The following USP46 variants were observed in gnomAD, a reference collection of about 807,000 sequenced individuals.
USP46 encodes ubiquitin specific peptidase 46.
In USP46, 12 loss-of-function variants were observed where a neutral mutation model predicts 44.4. The ratio of observed to expected loss-of-function variants is 0.27; its 90% confidence interval spans 0.17 to 0.44. The LOEUF is 0.44. Ranked by LOEUF, USP46 falls within the 20% of genes least tolerant of loss-of-function variation. The probability of loss-of-function intolerance (pLI) is 1.00; values close to 1 mark genes in which losing one functional copy is unlikely to be tolerated. For missense variants in USP46, 248 were observed against 444.8 expected (o/e 0.56, Z 3.98); for synonymous variants, 155 against 161.5 (o/e 0.96, Z 0.31).
chr4:52,632,278 G>C (rs1717859206), intron 1 of USP46, among the ~76,000 whole-genome samples: 1 of 152,144 alleles, frequency 6.6e-6, no homozygotes, highest in African/African-American at 2.4e-5. Context: ...CCCACTAAGG[G>C]TCAGTTACTG....
intron 1 of USP46, among the ~76,000 whole-genome samples, chr4:52,639,582 A>G (rs1159596419): frequency 2.0e-5 from 3 of 152,186 alleles, no homozygotes; most frequent in Admixed American, 1.3e-4. Flanking sequence ...TTTGCTCACA[A>G]TCCTGCTAGC....
intron 4 of USP46, among the ~76,000 whole-genome samples, chr4:52,620,743 C>T (rs1717345254): frequency 6.6e-6 from 1 of 152,174 alleles, no homozygotes; most frequent in African/African-American, 2.4e-5. Flanking sequence ...AAAAGCATAC[C>T]ATATGACCTA....
intron 1 of USP46, among the ~76,000 whole-genome samples, chr4:52,632,994 G>GGA (rs1717963456): frequency 1.1e-5 from 1 of 91,324 alleles, no homozygotes; most frequent in Non-Finnish European, 2.2e-5. Flanking sequence ...GAAAAGAAAA[G>GGA]AAAGAAAGAA....
At chr4:52,624,970 AG>A (rs1365686114) in intron 4 of USP46, among the ~76,000 whole-genome samples, 1 of 152,178 alleles carries the variant, frequency 6.6e-6, no homozygotes, top group Non-Finnish European at 1.5e-5. Context: ...GCAACTCATG[AG>A]GGATTGCGTT....
At chr4:52,601,822 T>C in intron 7 of USP46, 35 bp downstream of exon 7, 1 of 1,600,938 alleles carries the variant, frequency 6.2e-7, no homozygotes, top group East Asian at 2.2e-5. Context: ...ACCCTTACAC[T>C]TACCCTGTAT....
intron 1 of USP46, chr4:52,656,687 G>A: frequency 1.5e-6 from 1 of 688,922 alleles, no homozygotes; most frequent in Non-Finnish European, 1.8e-6. Context: ...TCACCTTTTG[G>A]TAGATAAGGA....
intron 5 of USP46, among the ~76,000 whole-genome samples, chr4:52,605,213 C>T (rs562621535): frequency 6.6e-6 from 1 of 152,298 alleles, no homozygotes; most frequent in East Asian, 1.9e-4. Context: ...CCCCACTGCT[C>T]CCCCGCCGGA....
At position 52,631,121 on chromosome 4, in the gene USP46, T is replaced by C. The variant is rs1717809552; in HGVS notation, c.60A>G (p.Glu20=). 2 of 1,564,890 alleles carry C rather than the reference T, an allele frequency of 1.3e-6. No homozygotes were observed. The highest frequency in any genetic ancestry group is 1.9e-5 in the Admixed American group (1 of 52,508). Residue 20 remains glutamate (E), a synonymous_variant, in exon 2 of 9, where the codon GAA becomes GAG. Coordinates refer to ENST00000441222, the MANE Select transcript of USP46 (RefSeq NM_022832.4). ...GAAACTGCTCTGGACCAATGTCTTT[T>C]TCCAGAGCAGAGGCATTGGTGCCCT... ...CNMGTNASAL[E]KDIGPEQFPI...
intron 1 of USP46, among the ~76,000 whole-genome samples, chr4:52,641,579 A>G (rs936557066): frequency 6.6e-6 from 1 of 152,188 alleles, no homozygotes; most frequent in Non-Finnish European, 1.5e-5. Flanking sequence ...CCTTGCCCAG[A>G]AGGAGGAAAT....
chr4:52,644,072 T>G (rs1718448778), intron 1 of USP46, among the ~76,000 whole-genome samples: 1 of 152,188 alleles, frequency 6.6e-6, no homozygotes, highest in Non-Finnish European at 1.5e-5. Flanking sequence ...CTGACCTGTT[T>G]AGTTAGCAAC....
At chr4:52,652,196 T>G (rs888564130) in intron 1 of USP46, among the ~76,000 whole-genome samples, 4 of 152,112 alleles carry the variant, frequency 2.6e-5, no homozygotes, top group African/African-American at 7.2e-5. Flanking sequence ...AAAGGCACAA[T>G]GTCACACCCA....
intron 1 of USP46, among the ~76,000 whole-genome samples, chr4:52,644,648 C>A (rs1286595533): frequency 6.6e-6 from 1 of 151,502 alleles, no homozygotes; most frequent in Non-Finnish European, 1.5e-5. Flanking sequence ...ATCCCCAGCT[C>A]TGCCCAGGTT....
chr4:52,599,402 C>G (rs1716369702), intron 7 of USP46, among the ~76,000 whole-genome samples: 1 of 151,890 alleles, frequency 6.6e-6, no homozygotes, highest in Admixed American at 6.6e-5. Context: ...CCAAAGGAGG[C>G]CAGAGCAGCA....
chr4:52,614,818 C>G (rs1366382378), intron 4 of USP46, among the ~76,000 whole-genome samples: 2 of 152,112 alleles, frequency 1.3e-5, no homozygotes, highest in Non-Finnish European at 2.9e-5. Flanking sequence ...GATTTATATT[C>G]TACATAAATG....
chr4:52,637,427 C>T (rs749052031), intron 1 of USP46, among the ~76,000 whole-genome samples: 9 of 152,200 alleles, frequency 5.9e-5, no homozygotes, highest in African/African-American at 1.9e-4. Context: ...ACTTGTCTTA[C>T]AGGATCTCAA....
At chr4:52,603,078 T>A (rs1716540340) in intron 6 of USP46, among the ~76,000 whole-genome samples, 2 of 152,306 alleles carry the variant, frequency 1.3e-5, no homozygotes, top group East Asian at 1.9e-4. Flanking sequence ...AAGGAATCTA[T>A]TAAGGAAAAG....
At chr4:52,600,270 C>A (rs1242694914) in intron 7 of USP46, among the ~76,000 whole-genome samples, 4 of 152,076 alleles carry the variant, frequency 2.6e-5, no homozygotes, top group Non-Finnish European at 5.9e-5. Flanking sequence ...CAGCAGAAAT[C>A]AGTGCATGAG....
intron 5 of USP46, among the ~76,000 whole-genome samples, chr4:52,606,732 C>G (rs914692296): frequency 3.9e-5 from 6 of 152,186 alleles, no homozygotes; most frequent in Admixed American, 3.3e-4. Context: ...AACCAACAGT[C>G]TCAACAAAGA....
chr4:52,620,926 C>A (rs1717351002), intron 4 of USP46, among the ~76,000 whole-genome samples: 1 of 152,148 alleles, frequency 6.6e-6, no homozygotes, highest in Non-Finnish European at 1.5e-5. Flanking sequence ...CAACAGAATA[C>A]CATACAGCAA....
Sources: allele counts gnomAD v4.1 joint callset (sites outside exome capture counted in the v4.1 genomes callset), GRCh38; gene constraint gnomAD v4.1.1; transcripts MANE v1.5; gene names NCBI Gene and HGNC (gene_info 2026-07-23, HGNC 2026-07-21).